SLC24A3: variants seen among roughly 807,000 people sequenced by gnomAD.
SLC24A3 encodes solute carrier family 24 member 3.
In SLC24A3, 28 loss-of-function variants were observed where a neutral mutation model predicts 75.8. The ratio of observed to expected loss-of-function variants is 0.37; its 90% CI spans 0.27 to 0.51. The LOEUF (loss-of-function observed/expected upper bound fraction) is 0.51, where lower values mean the gene tolerates loss of function less well. Among genes scored for constraint, SLC24A3 ranks in the 20% least tolerant of loss-of-function variants. The pLI is 0.94. For missense variants in SLC24A3, 663 were observed against 847.8 expected (o/e 0.78, Z 2.71); for synonymous variants, 372 against 334.1 (o/e 1.11, Z -1.24).
chr20:19,683,458 A>C (rs184399490), intron 10 of SLC24A3, among the ~76,000 whole-genome samples: 1 of 152,330 alleles, frequency 6.6e-6, no homozygotes, highest in Admixed American at 6.5e-5. Context: ...CTGGTGAACT[A>C]TCACACAAGA....
intron 2 of SLC24A3, among the ~76,000 whole-genome samples, chr20:19,451,685 G>T (rs1416337575): frequency 1.3e-5 from 2 of 152,208 alleles, no homozygotes; most frequent in Admixed American, 1.3e-4. Context: ...CATCAGAAAG[G>T]TCACATTTTC....
chr20:19,404,357 A>G (rs1986604378), intron 2 of SLC24A3, among the ~76,000 whole-genome samples: 1 of 152,198 alleles, frequency 6.6e-6, no homozygotes, highest in South Asian at 2.1e-4. Flanking sequence ...GGTTCTTATG[A>G]CAGCACTGTG....
At chr20:19,281,465 G>C (rs1166373297) in intron 2 of SLC24A3, among the ~76,000 whole-genome samples, 1 of 152,170 alleles carries the variant, frequency 6.6e-6, no homozygotes, top group Non-Finnish European at 1.5e-5. Context: ...CAGGAACTTT[G>C]TTTCTATCAC....
Position 19,579,933 on chromosome 20 carries a change from G to C in SLC24A3, c.349-67G>C, listed in dbSNP as rs961171325. ...GAAGACATTATCAAAGCAGAAGGTG[G>C]CTGGACGTTCATCTTCCTGGCTCTG... On this transcript the variant is annotated intron_variant, in intron 3 of 16. Transcript: ENST00000328041. 17 of 1,197,468 alleles carry C rather than the reference G, an allele frequency of 1.4e-5. No homozygotes were observed. In the African/African-American group the frequency reaches 1.6e-4, roughly 11 times the overall value. 74.2% of individuals were successfully genotyped at this position (1,197,468 alleles called of 1,614,324 possible).
At chr20:19,381,692 G>A (rs1347994372) in intron 2 of SLC24A3, among the ~76,000 whole-genome samples, 1 of 152,166 alleles carries the variant, frequency 6.6e-6, no homozygotes, top group African/African-American at 2.4e-5. Flanking sequence ...TATTTCTTAA[G>A]GCTCTTATTC....
In SLC24A3 at chr20:19,342,651, G is replaced by C. The variant is rs547482260; in HGVS notation, c.271+61564G>C. Among the ~76,000 whole-genome samples, 4 of 152,316 alleles carry C rather than the reference G, an allele frequency of 2.6e-5. No homozygotes were observed. The East Asian group carries it at 7.7e-4, about 29-fold the overall frequency. On this transcript the variant is annotated intron_variant, in intron 2 of 16. Coordinates refer to ENST00000328041, the MANE Select transcript of SLC24A3 (RefSeq NM_020689.4). ...AGGAGTTTCTAGTGGAAGAAGGAGT[G>C]TCTTTTTATTTTCATCTTTGTATCT...
At chr20:19,442,026 G>T (rs1411268748) in intron 2 of SLC24A3, among the ~76,000 whole-genome samples, 2 of 152,106 alleles carry the variant, frequency 1.3e-5, no homozygotes, top group Non-Finnish European at 2.9e-5. Context: ...TCATTTTGAG[G>T]CTTGATAGCG....
chr20:19,286,683 A>G (rs368845802), intron 2 of SLC24A3, among the ~76,000 whole-genome samples: 9 of 152,366 alleles, frequency 5.9e-5, no homozygotes, highest in African/African-American at 1.9e-4. Context: ...AATCTCGAGT[A>G]GCACTGTCCA....
Position 19,219,349 on chromosome 20 carries a change from C to T in SLC24A3, c.142+6365C>T, listed in dbSNP as rs371554540. ...TCCCTTGAGGGAGTTCCTGCCCGGA[C>T]CCCAGTTGCGTAAGACACGGGGACC... On this transcript the variant is annotated intron_variant, in intron 1 of 16. Transcript: ENST00000328041. Among the ~76,000 whole-genome samples the T allele has an allele frequency of 2.6e-5, 4 of 152,274 alleles. No individual in the cohort carries two copies. In the East Asian group the frequency reaches 5.8e-4, roughly 22 times the overall value.
chr20:19,679,578 G>A (rs1001946461), intron 9 of SLC24A3, among the ~76,000 whole-genome samples: 5 of 150,112 alleles, frequency 3.3e-5, no homozygotes, highest in African/African-American at 5.0e-5. Flanking sequence ...AGACGGAGAC[G>A]GAGACCGTGG....
chr20:19,555,533 C>T (rs1188197815), intron 3 of SLC24A3, among the ~76,000 whole-genome samples: 1 of 152,164 alleles, frequency 6.6e-6, no homozygotes. Context: ...GGAAGTATTA[C>T]AAAAACCACT....
At chr20:19,456,633 G>C (rs2122489456) in intron 2 of SLC24A3, among the ~76,000 whole-genome samples, 1 of 152,328 alleles carries the variant, frequency 6.6e-6, no homozygotes, top group African/African-American at 2.4e-5. Flanking sequence ...TTTCCACATT[G>C]CTGTGAGATG....
intron 2 of SLC24A3, among the ~76,000 whole-genome samples, chr20:19,397,647 CTTTTTTTTTTTT>C (rs3057518): frequency 2.6e-5 from 3 of 117,106 alleles, no homozygotes; most frequent in African/African-American, 6.0e-5. Flanking sequence ...TTTTTCTTTT[CTTTTTTTTTTTT>C]TTTTTTTTGA....
chr20:19,531,786 C>G (rs1211817082), intron 3 of SLC24A3, among the ~76,000 whole-genome samples: 1 of 152,174 alleles, frequency 6.6e-6, no homozygotes, highest in Non-Finnish European at 1.5e-5. Context: ...AAACGTTAGA[C>G]CACAGCGAAA....
chr20:19,320,515 A>G (rs1196277186), intron 2 of SLC24A3, among the ~76,000 whole-genome samples: 2 of 151,972 alleles, frequency 1.3e-5, no homozygotes, highest in African/African-American at 4.8e-5. Flanking sequence ...TTATGTCCAC[A>G]TCCTATGCAG....
intron 15 of SLC24A3, among the ~76,000 whole-genome samples, chr20:19,716,155 C>G (rs1395007302): frequency 6.6e-6 from 1 of 152,118 alleles, no homozygotes; most frequent in Non-Finnish European, 1.5e-5. Context: ...TAACAAGTTC[C>G]CGAGAGCTGC....
chr20:19,295,777 C>T (rs1378420304), intron 2 of SLC24A3, among the ~76,000 whole-genome samples: 1 of 150,646 alleles, frequency 6.6e-6, no homozygotes, highest in Non-Finnish European at 1.5e-5. Flanking sequence ...AGGATTTTTG[C>T]ATAGATGTTC....
intron 2 of SLC24A3, among the ~76,000 whole-genome samples, chr20:19,445,338 G>A (rs1161893713): frequency 6.6e-6 from 1 of 152,204 alleles, no homozygotes; most frequent in African/African-American, 2.4e-5. Flanking sequence ...AAGGATAGCA[G>A]TATAATAAAA....
intron 1 of SLC24A3, among the ~76,000 whole-genome samples, chr20:19,245,835 C>T (rs1175056214): frequency 6.6e-6 from 1 of 151,966 alleles, no homozygotes; most frequent in Admixed American, 6.6e-5. Flanking sequence ...AAAAAAACTT[C>T]ACCAGAAACT....
Sources: allele counts gnomAD v4.1 joint callset (sites outside exome capture counted in the v4.1 genomes callset), GRCh38; gene constraint gnomAD v4.1.1; transcripts MANE v1.5; gene names NCBI Gene and HGNC (gene_info 2026-07-23, HGNC 2026-07-21).